The following GSE1 variants were observed in gnomAD, a reference collection of about 807,000 sequenced individuals.
The protein encoded by GSE1 is Gse1 coiled-coil protein, also known as genetic suppressor element 1.
In GSE1, 32 loss-of-function variants were observed where a neutral mutation model predicts 112.6. The ratio of observed to expected loss-of-function variants is 0.28; its 90% CI spans 0.21 to 0.38. The LOEUF is 0.38. GSE1 is among the 10% of genes least tolerant of loss of function. The pLI, the probability that GSE1 is intolerant of heterozygous loss-of-function variation, is 1.00. For synonymous variants in GSE1, 1,115 were observed against 735.6 expected, an observed-to-expected ratio of 1.52 and a Z score of -8.35; for missense variants, 2,348 against 1,699.2, an observed-to-expected ratio of 1.38 and a Z score of -6.71.
At chr16:85,623,757 T>C (rs2048887279) in intron 1 of GSE1, among the ~76,000 whole-genome samples, 1 of 152,198 alleles carries the variant, frequency 6.6e-6, no homozygotes, top group African/African-American at 2.4e-5. Flanking sequence ...CCTCTGAAGC[T>C]GGAGACCCTG....
chr16:85,512,662 A>C (rs1042191796), intron 2 of GSE1, among the ~76,000 whole-genome samples: 1 of 152,154 alleles, frequency 6.6e-6, no homozygotes, highest in African/African-American at 2.4e-5. Context: ...AATTACAGGC[A>C]CGTAATAAAT....
At chr16:85,495,915 A>G (rs1183203438) in intron 2 of GSE1, among the ~76,000 whole-genome samples, 1 of 152,178 alleles carries the variant, frequency 6.6e-6, no homozygotes, top group Non-Finnish European at 1.5e-5. Flanking sequence ...CCTGATAGAA[A>G]GGATGCCAGA....
chr16:85,308,632 TG>T (rs1217695996), intron 1 of GSE1, among the ~76,000 whole-genome samples: 4 of 152,128 alleles, frequency 2.6e-5, no homozygotes, highest in Non-Finnish European at 5.9e-5. Context: ...CAGGGAAGCC[TG>T]GCTTTATGTT....
chr16:85,383,229 C>T (rs1384664965), intron 2 of GSE1, among the ~76,000 whole-genome samples: 1 of 151,980 alleles, frequency 6.6e-6, no homozygotes, highest in African/African-American at 2.4e-5. Flanking sequence ...TAAACACACA[C>T]ATTCACATGC....
At chr16:85,442,675 G>A (rs142775196) in intron 2 of GSE1, among the ~76,000 whole-genome samples, 3 of 152,194 alleles carry the variant, frequency 2.0e-5, no homozygotes, top group Non-Finnish European at 4.4e-5. Flanking sequence ...AGGTGGCATC[G>A]TGAGCCAGGC....
chr16:85,611,228 C>G (rs1352745839), upstream of GSE1, among the ~76,000 whole-genome samples: 1 of 152,128 alleles, frequency 6.6e-6, no homozygotes, highest in Non-Finnish European at 1.5e-5. Context: ...AGGCTCGGGG[C>G]CAGTCGTCGT....
At chr16:85,667,857 C>T (rs1448103619) in intron 13 of GSE1, among the ~76,000 whole-genome samples, 1 of 151,492 alleles carries the variant, frequency 6.6e-6, no homozygotes, top group Non-Finnish European at 1.5e-5. Flanking sequence ...TGAGGGCAGC[C>T]AAAACAAAAA....
intron 1 of GSE1, among the ~76,000 whole-genome samples, chr16:85,320,468 G>GTTTTGTTTT (rs965789175): frequency 1.3e-5 from 2 of 151,780 alleles, no homozygotes; most frequent in African/African-American, 4.8e-5. Context: ...GTTTTGTTTT[G>GTTTTGTTTT]TTTTTTTGTA....
chr16:85,633,987 C>A lies in GSE1; in HGVS notation c.81C>A (p.Asn27Lys). The A allele has an allele frequency of 6.2e-7, 1 of 1,613,074 alleles. No individual in the cohort carries two copies. The highest frequency in any genetic ancestry group is 8.5e-7 in the Non-Finnish European group (1 of 1,179,706). The stretch of plus-strand genomic sequence containing the variant: ...CGACCAGGACCACCGCCACCGTCAA[C>A]CCCCTCACCCCCTCGCCGCTCAATG... ...STATRTTATV[N>K]PLTPSPLNGA... Residue 27 changes from asparagine (N) to lysine (K), a missense_variant, in exon 2 of 16, where the codon AAC becomes AAA. Coordinates refer to ENST00000253458, the MANE Select transcript of GSE1 (RefSeq NM_014615.5).
intron 2 of GSE1, among the ~76,000 whole-genome samples, chr16:85,392,982 G>A (rs115793883): frequency 2.6e-5 from 4 of 152,180 alleles, no homozygotes; most frequent in African/African-American, 9.7e-5. Flanking sequence ...CTTTGGGCTC[G>A]GCCTCCTCCC....
In GSE1 at chr16:85,666,016, G is replaced by A. The variant is rs752892296; in HGVS notation, c.2799G>A (p.Pro933=). ...TQQASLDVEK[P]VGVAASLSDI... ...AAGCCTCTCTGGATGTGGAGAAGCC[G>A]GTTGGTGTTGCTGCTTCCTTGTCTG... The change falls in exon 13 of 16, where the codon CCG becomes CCA. Residue 933 remains proline (P), a synonymous_variant. Transcript: ENST00000253458. The A allele has an allele frequency of 1.4e-5, 23 of 1,613,438 alleles. No individual in the cohort carries two copies. Among genetic ancestry groups the A allele is most frequent in the Admixed American group, 1.3e-4 (8 of 60,014 alleles).
At chr16:85,475,083 TC>T (rs992041299) in intron 2 of GSE1, among the ~76,000 whole-genome samples, 1 of 152,046 alleles carries the variant, frequency 6.6e-6, no homozygotes, top group African/African-American at 2.4e-5. Context: ...GTAATAACAC[TC>T]CCCGATGGGT....
chr16:85,672,163 T>A (rs1279687386), intron 15 of GSE1: 1 of 501,326 alleles, frequency 2.0e-6, no homozygotes, highest in Admixed American at 2.5e-5. Context: ...CATGCCTGGC[T>A]AATTTTTTTG....
exon 1 of GSE1, chr16:85,170,990 C>G: frequency 1.0e-6 from 1 of 985,546 alleles, no homozygotes; most frequent in African/African-American, 1.7e-5. Flanking sequence ...GAGGACTGTA[C>G]CCCGGATGCC....
chr16:85,198,567 G>A (rs1462127105), intron 1 of GSE1, among the ~76,000 whole-genome samples: 1 of 152,126 alleles, frequency 6.6e-6, no homozygotes, highest in Non-Finnish European at 1.5e-5. Context: ...GGTAGCCTGA[G>A]CTCTGCTGGC....
intron 1 of GSE1, among the ~76,000 whole-genome samples, chr16:85,226,615 C>G (rs1413345577): frequency 6.6e-6 from 1 of 152,148 alleles, no homozygotes; most frequent in Non-Finnish European, 1.5e-5. Flanking sequence ...AGGGAGCAGG[C>G]TGCTGCCGGT....
intron 2 of GSE1, among the ~76,000 whole-genome samples, chr16:85,491,548 G>C (rs533666602): frequency 1.3e-5 from 2 of 152,218 alleles, no homozygotes; most frequent in African/African-American, 4.8e-5. Flanking sequence ...GTGCTGGGGC[G>C]CAGGGAGGCC....
At chr16:85,607,062 G>A (rs1005860701), upstream of GSE1, among the ~76,000 whole-genome samples, 3 of 151,510 alleles carry the variant, frequency 2.0e-5, no homozygotes, top group African/African-American at 7.3e-5. Flanking sequence ...GGAGAGCCTG[G>A]GGTGGGGGGG....
rs568858673 is a variant in GSE1, at chr16:85,643,648, G to C, written c.227-4904G>C. On this transcript the variant is annotated intron_variant, in intron 2 of 15. Coordinates refer to ENST00000253458, the MANE Select transcript of GSE1 (RefSeq NM_014615.5). ...TGGGGTCTGGAGCCAGGCAGCTCCAGGTCTCTGTGCATCCCCTTATGGCAT... is the reference window on the plus strand; with the variant it reads ...TGGGGTCTGGAGCCAGGCAGCTCCACGTCTCTGTGCATCCCCTTATGGCAT... Among the ~76,000 whole-genome samples the C allele has an allele frequency of 2.6e-5, 4 of 152,338 alleles. 1 individual carries two copies. In the South Asian group the frequency reaches 8.3e-4, roughly 32 times the overall value.
Sources: gnomAD v4.1 joint callset for allele counts (sites outside exome capture counted in the v4.1 genomes callset) on GRCh38, gnomAD v4.1.1 for gene constraint, MANE v1.5 for transcripts, NCBI Gene and HGNC (gene_info 2026-07-23, HGNC 2026-07-21) for gene names.